The following SCAPER variants were observed in gnomAD, a reference collection of about 807,000 sequenced individuals.
The protein encoded by SCAPER is S phase cyclin A-associated protein in the endoplasmic reticulum.
In SCAPER, 98 loss-of-function variants were observed where a neutral mutation model predicts 182.2. That is an observed-to-expected ratio of 0.54 (90% CI 0.46 to 0.64). The LOEUF (loss-of-function observed/expected upper bound fraction) is 0.64, where lower values mean the gene tolerates loss of function less well. Ranked by LOEUF, SCAPER falls within the 30% of genes least tolerant of loss-of-function variation. The pLI is 0.00. For synonymous variants in SCAPER, 605 were observed against 564.6 expected (o/e 1.07, Z -1.01); for missense variants, 1,432 against 1,690.0 (o/e 0.85, Z 2.68).
chr15:76,524,681 T>C (rs138922935), intron 23 of SCAPER, among the ~76,000 whole-genome samples: 1,615 of 145,752 alleles, frequency 0.011, 35 homozygotes, highest in African/African-American at 0.037. Context: ...GTTGTGTTTT[T>C]TTGTTCTGTT....
At chr15:76,471,401 C>T (rs1392945143) in intron 24 of SCAPER, 66 bp from the exon 25 acceptor site, 2 of 1,491,014 alleles carry the variant, frequency 1.3e-6, no homozygotes, top group African/African-American at 1.4e-5. Context: ...ATTAAAAATA[C>T]ATAAAATGAA....
chr15:76,826,874 G>C (rs764243192), intron 5 of SCAPER, among the ~76,000 whole-genome samples: 5 of 152,068 alleles, frequency 3.3e-5, no homozygotes, highest in Non-Finnish European at 5.9e-5. Flanking sequence ...ACATAATTTA[G>C]TTTTACAGCT....
intron 21 of SCAPER, among the ~76,000 whole-genome samples, chr15:76,649,986 A>G (rs1327488474): frequency 1.3e-5 from 2 of 152,170 alleles, no homozygotes; most frequent in Admixed American, 1.3e-4. Flanking sequence ...GAAAGATTGG[A>G]ACAAAATTAA....
chr15:76,530,551 A>T (rs2144532508), intron 23 of SCAPER, among the ~76,000 whole-genome samples: 1 of 152,268 alleles, frequency 6.6e-6, no homozygotes, highest in South Asian at 2.1e-4. Flanking sequence ...GCACTATGGG[A>T]AATTTATTAA....
At chr15:76,776,743 T>C (rs1399238454) in intron 8 of SCAPER, among the ~76,000 whole-genome samples, 1 of 152,126 alleles carries the variant, frequency 6.6e-6, no homozygotes, top group African/African-American at 2.4e-5. Context: ...AGCAGGGAGC[T>C]GAGCTTATAA....
chr15:76,659,931 A>G (rs551968661), intron 21 of SCAPER, among the ~76,000 whole-genome samples: 15 of 152,218 alleles, frequency 9.9e-5, no homozygotes, highest in Non-Finnish European at 2.2e-4. Context: ...TACCATAAAG[A>G]CACATGTATG....
At chr15:76,748,102 T>C (rs1253810691) in intron 15 of SCAPER, among the ~76,000 whole-genome samples, 2 of 151,806 alleles carry the variant, frequency 1.3e-5, no homozygotes, top group African/African-American at 2.4e-5. Context: ...GCCATTCTCC[T>C]GCCTCAGCCT....
intron 23 of SCAPER, among the ~76,000 whole-genome samples, chr15:76,537,003 C>A (rs1311532684): frequency 6.6e-6 from 1 of 152,154 alleles, no homozygotes; most frequent in Admixed American, 6.5e-5. Context: ...AGGAATCCAA[C>A]TTACAAGGGA....
intron 7 of SCAPER, among the ~76,000 whole-genome samples, chr15:76,795,850 C>G (rs1200769287): frequency 6.6e-6 from 1 of 152,130 alleles, no homozygotes; most frequent in Non-Finnish European, 1.5e-5. Context: ...TCACTTGAGG[C>G]CAAGAGTTCA....
intron 14 of SCAPER, among the ~76,000 whole-genome samples, chr15:76,757,927 T>C (rs991571846): frequency 1.3e-5 from 2 of 152,202 alleles, no homozygotes; most frequent in Non-Finnish European, 2.9e-5. Flanking sequence ...TCTCTTTAAG[T>C]CCTTTGCCCA....
chr15:76,507,079 A>C (rs1030151956), intron 23 of SCAPER, among the ~76,000 whole-genome samples: 3 of 152,186 alleles, frequency 2.0e-5, no homozygotes, highest in South Asian at 4.1e-4. Flanking sequence ...CTCAAAATTC[A>C]TATGTGGAGG....
chr15:76,829,784 C>T (rs1205389885), intron 5 of SCAPER, among the ~76,000 whole-genome samples: 1 of 152,154 alleles, frequency 6.6e-6, no homozygotes, highest in African/African-American at 2.4e-5. Flanking sequence ...CACACCCATT[C>T]AACACGTATT....
chr15:76,484,378 C>G (rs777695212), intron 24 of SCAPER, among the ~76,000 whole-genome samples: 1 of 151,980 alleles, frequency 6.6e-6, no homozygotes, highest in Admixed American at 6.6e-5. Flanking sequence ...TTTACATAAA[C>G]TAGAAAATCT....
chr15:76,559,709 AAG>A (rs776965635), intron 23 of SCAPER, among the ~76,000 whole-genome samples: 1 of 152,122 alleles, frequency 6.6e-6, no homozygotes, highest in Non-Finnish European at 1.5e-5. Flanking sequence ...GAACACAAAG[AAG>A]AGAGCAATGG....
At position 76,354,386 on chromosome 15, in the gene SCAPER, G is replaced by A. The variant is rs2040815323; in HGVS notation, c.3856-246C>T. On this transcript the variant is annotated intron_variant, in intron 29 of 31. Transcript: ENST00000563290. This position sits in a 1 kb window ranked among gnomAD's most constrained non-coding sequence, Gnocchi z 4.4. ...TCATTTAAAAGTTATTATAATCCAC[G>A]ATTAAAGGTGTAGCTGCCACGGAGT... 6 of 399,386 alleles carry A rather than the reference G, an allele frequency of 1.5e-5. No homozygotes were observed. The highest frequency in any genetic ancestry group is 5.0e-5 in the East Asian group (1 of 20,058). The allele number at this position is 399,386 out of a possible 1,614,324, so 24.7% of individuals were successfully genotyped here. A position where few individuals can be genotyped will look rare whatever the true frequency, so the allele number is the denominator to read the frequency against.
intron 14 of SCAPER, among the ~76,000 whole-genome samples, chr15:76,764,376 C>A (rs2062987723): frequency 6.6e-6 from 1 of 151,644 alleles, no homozygotes; most frequent in Non-Finnish European, 1.5e-5. Flanking sequence ...TAGGTGGGAG[C>A]CAAGGCAGGT....
chr15:76,712,683 T>G (rs1328191487), intron 17 of SCAPER, among the ~76,000 whole-genome samples: 1 of 152,134 alleles, frequency 6.6e-6, no homozygotes, highest in Non-Finnish European at 1.5e-5. Context: ...CCTAGGTATT[T>G]TATTCTCTTT....
chr15:76,421,190 T>C lies in SCAPER; in HGVS notation c.3311+12888A>G, dbSNP rs150948493. Among the ~76,000 whole-genome samples the C allele has an allele frequency of 8.3e-3, 1,269 of 152,238 alleles. 13 individuals are homozygous for C. The highest frequency in any genetic ancestry group is 0.029 in the African/African-American group (1,203 of 41,504). On this transcript the variant is annotated intron_variant, in intron 26 of 31. Transcript: ENST00000563290. ...TTCTAGTTCTAGATCCTTGAGGAAT[T>C]GCCACACTGTCTTCCACAATGGTTG... is the stretch of plus-strand genomic sequence containing the variant.
At chr15:76,686,193 A>G (rs2058030730) in intron 20 of SCAPER, among the ~76,000 whole-genome samples, 1 of 152,044 alleles carries the variant, frequency 6.6e-6, no homozygotes, top group South Asian at 2.1e-4. Flanking sequence ...CAATTTGTGA[A>G]AAAAGCCTAA....
Sources: gnomAD v4.1 joint callset for allele counts (sites outside exome capture counted in the v4.1 genomes callset) on GRCh38, gnomAD v4.1.1 for gene constraint, Gnocchi (gnomAD v3.1) non-coding constraint, MANE v1.5 for transcripts, NCBI Gene and HGNC (gene_info 2026-07-23, HGNC 2026-07-21) for gene names.